SLC44A2: variants seen among roughly 807,000 people sequenced by gnomAD.
SLC44A2 encodes choline transporter-like protein 2.
A neutral mutation model predicts 90.8 loss-of-function variants in SLC44A2; 57 were observed. That is an observed-to-expected ratio of 0.63 (90% CI 0.51 to 0.78). The LOEUF is 0.78. Among genes scored for constraint, SLC44A2 ranks in the 30% least tolerant of loss-of-function variants. The probability of loss-of-function intolerance (pLI) is 0.00; values close to 1 mark genes in which losing one functional copy is unlikely to be tolerated. For missense variants in SLC44A2, 794 were observed against 919.7 expected (o/e 0.86, Z 1.77); for synonymous variants, 355 against 360.7 (o/e 0.98, Z 0.18).
chr19:10,608,308 G>A (rs1240231504), intron 1 of SLC44A2, among the ~76,000 whole-genome samples: 2 of 151,770 alleles, frequency 1.3e-5, no homozygotes, highest in Non-Finnish European at 2.9e-5. Flanking sequence ...GGATCCTCCC[G>A]CCTCAGCCTC....
intron 1 of SLC44A2, among the ~76,000 whole-genome samples, chr19:10,603,743 C>T (rs973269289): frequency 6.6e-6 from 1 of 152,220 alleles, no homozygotes; most frequent in African/African-American, 2.4e-5. Context: ...GCTCAAATTC[C>T]AGCCCCAGTG....
At chr19:10,605,187 C>A (rs1306566430) in intron 1 of SLC44A2, among the ~76,000 whole-genome samples, 1 of 151,960 alleles carries the variant, frequency 6.6e-6, no homozygotes, top group East Asian at 1.9e-4. Context: ...TCGAGACAAT[C>A]CTGGCTACCA....
At chr19:10,608,226 GAAA>G (rs71164103) in intron 1 of SLC44A2, among the ~76,000 whole-genome samples, 1 of 123,974 alleles carries the variant, frequency 8.1e-6, no homozygotes. Context: ...CCGTCTCAAA[GAAA>G]AAAAAAAAAA....
In SLC44A2 at chr19:10,625,600, C is replaced by T. The variant is rs1287362631; in HGVS notation, c.-34C>T. The T allele has an allele frequency of 4.8e-6, 6 of 1,242,114 alleles. No homozygotes were observed. Among genetic ancestry groups the T allele is most frequent in the Middle Eastern group, 2.6e-4 (1 of 3,862 alleles). 76.9% of individuals were successfully genotyped at this position (1,242,114 alleles called of 1,614,324 possible). ...AGGGTCGAGGGGGCGCGGGAGAGAG[C>T]GCGGGCGGCCGCCGGGGCTGGTCGC... On this transcript the variant is annotated 5_prime_UTR_variant, in exon 1 of 22. Transcript: ENST00000335757.
upstream of SLC44A2, chr19:10,625,417 C>A: frequency 8.5e-7 from 1 of 1,174,960 alleles, no homozygotes; most frequent in Non-Finnish European, 1.1e-6. Flanking sequence ...CGGTGAGTGG[C>A]GGGAGCAGCT....
At chr19:10,632,816 G>A (rs149615150) in intron 10 of SLC44A2, among the ~76,000 whole-genome samples, 2,376 of 151,746 alleles carry the variant, frequency 0.016, 57 homozygotes, top group African/African-American at 0.053. Context: ...GGGATTACAG[G>A]CATGCACCTC....
chr19:10,630,332 CAGAG>C (rs967478256), intron 4 of SLC44A2, among the ~76,000 whole-genome samples: 7 of 150,822 alleles, frequency 4.6e-5, no homozygotes, highest in African/African-American at 1.7e-4. Context: ...GTCTGGGCAA[CAGAG>C]AAAGACTCTT....
chr19:10,607,745 TTATTA>T (rs1918151867), intron 1 of SLC44A2, among the ~76,000 whole-genome samples: 1 of 127,688 alleles, frequency 7.8e-6, no homozygotes, highest in Non-Finnish European at 1.7e-5. Context: ...ATTATTATTA[TTATTA>T]TTTTTTTTTT....
rs1244876720 is a variant in SLC44A2 at position 10,634,830 on chromosome 19, G to A, written c.898G>A (p.Gly300Ser). The change falls in exon 11 of 22, where the codon GGC (glycine) becomes AGC (serine). Residue 300 changes from glycine to serine, a missense_variant. This residue lies in a region of SLC44A2 where 738 missense variants were observed against 841.1 expected (regional missense o/e 0.88). Transcript: ENST00000335757. ...CTCTGATGTCTCTTTGGTGGACCTC[G>A]GCTTTCAGACGGATTTCCGGGTGTA... is the stretch of plus-strand genomic sequence containing the variant. ...AGSDVSLVDL[G>S]FQTDFRVYLH... is the part of the protein sequence containing the mutation. 11 of 1,614,106 alleles carry A rather than the reference G, an allele frequency of 6.8e-6. No individual in the cohort carries two copies. The highest frequency in any genetic ancestry group is 6.7e-5 in the East Asian group (3 of 44,886).
In SLC44A2 at chr19:10,635,445, C is replaced by G; in HGVS notation, c.1163C>G (p.Ser388Cys). 6.2e-7 allele frequency: 1 copy of G among 1,614,146 alleles called. No homozygotes were observed. The highest frequency in any genetic ancestry group is 1.7e-5 in the Admixed American group (1 of 59,982). The change falls in exon 14 of 22, where the codon TCC becomes TGC. Residue 388 changes from serine (S) to cysteine (C), a missense_variant. This residue lies in a region of SLC44A2 where 738 missense variants were observed against 841.1 expected (regional missense o/e 0.88). Transcript: ENST00000335757. The part of the protein sequence containing the change: ...WASTAVFLST[S>C]NEAVYKIFDD... ...CGAACCTCCAGCTTCCTGTCCACTT[C>G]CAACGAAGCGGTCTATAAGATCTTT...
chr19:10,610,061 C>T (rs1918239565), intron 1 of SLC44A2, among the ~76,000 whole-genome samples: 1 of 152,042 alleles, frequency 6.6e-6, no homozygotes, highest in African/African-American at 2.4e-5. Flanking sequence ...CCACTTTGGC[C>T]TCCCAAAGTG....
chr19:10,636,413 C>T lies in SLC44A2; in HGVS notation c.1324C>T (p.Leu442=). Residue 442 remains leucine (L), a synonymous_variant, in exon 15 of 22, where the codon CTG becomes TTG. Transcript: ENST00000335757. ...YGGESGYHRA[L]LGLQIFNAFM... is the part of the protein sequence containing the mutation. ...TGGTGAGTCGGGCTACCACCGGGCC[C>T]TGCTGGGCCTGCAGATCTTCAATGC... 6.2e-7 allele frequency: 1 copy of T among 1,614,118 alleles called. No homozygotes were observed. The highest frequency in any genetic ancestry group is 8.5e-7 in the Non-Finnish European group (1 of 1,180,020).
chr19:10,636,131 G>A, intron 14 of SLC44A2, 192 bp from the exon 15 acceptor site: 1 of 662,636 alleles, frequency 1.5e-6, no homozygotes, highest in South Asian at 2.1e-5. Context: ...CCCCAGTGAT[G>A]GCCACGTCTT....
At chr19:10,602,792 C>T (rs1917999084) in intron 1 of SLC44A2, among the ~76,000 whole-genome samples, 1 of 152,154 alleles carries the variant, frequency 6.6e-6, no homozygotes. Flanking sequence ...GGCCGGGGCT[C>T]ACGGCGCATG....
chr19:10,607,629 T>TA (rs989128583), intron 1 of SLC44A2, among the ~76,000 whole-genome samples: 8 of 151,830 alleles, frequency 5.3e-5, no homozygotes, highest in African/African-American at 1.9e-4. Flanking sequence ...GTGCTAGGAT[T>TA]ATAGGCGTGG....
At chr19:10,628,152 A>G in intron 4 of SLC44A2, 148 bp downstream of exon 4, 2 of 713,052 alleles carry the variant, frequency 2.8e-6, no homozygotes, top group Admixed American at 4.6e-5. Flanking sequence ...TGGGAGGCCG[A>G]GGCAGGAATA....
intron 20 of SLC44A2, chr19:10,641,425 A>G (rs2144894442): frequency 4.5e-6 from 2 of 439,832 alleles, no homozygotes; most frequent in Admixed American, 2.6e-5. Flanking sequence ...CGCCCACTCT[A>G]GGTGTCGTAG....
Position 10,625,617 on chromosome 19 carries a change from G to T in SLC44A2, c.-17G>T, listed in dbSNP as rs1006770737. ...GGAGAGAGCGCGGGCGGCCGCCGGG[G>T]CTGGTCGCCTGCAGGGATGGGGGAC... is the stretch of plus-strand genomic sequence containing the variant. On this transcript the variant is annotated 5_prime_UTR_variant, in exon 1 of 22. Transcript: ENST00000335757. The T allele has an allele frequency of 8.0e-7, 1 of 1,245,716 alleles. No individual in the cohort carries two copies. The highest frequency in any genetic ancestry group is 1.5e-5 in the African/African-American group (1 of 64,546). 77.2% of individuals were successfully genotyped at this position (1,245,716 alleles called of 1,614,324 possible). A position where few individuals can be genotyped will look rare whatever the true frequency, so the allele number is the denominator to read the frequency against.
chr19:10,642,851 C>T (rs2067132567), intron 21 of SLC44A2: 3 of 1,533,538 alleles, frequency 2.0e-6, no homozygotes, highest in Non-Finnish European at 2.6e-6. Flanking sequence ...TCCCTCCCTT[C>T]CCGACCACCC....
Sources: gnomAD v4.1 joint callset for allele counts (sites outside exome capture counted in the v4.1 genomes callset) on GRCh38, gnomAD v4.1.1 for gene constraint, gnomAD v4.1.1 regional missense constraint, MANE v1.5 for transcripts, NCBI Gene and HGNC (gene_info 2026-07-23, HGNC 2026-07-21) for gene names.